Variants in PDZRN4 observed in about 807,000 individuals in gnomAD.
PDZRN4 encodes PDZ domain containing ring finger 4, also known as PDZ domain-containing RING finger protein 4.
PDZRN4 carries 70 observed loss-of-function variants against 99.0 expected under a neutral mutation model. That is an observed-to-expected ratio of 0.71 (90% CI 0.58 to 0.86). The LOEUF is 0.86. Ranked by LOEUF, PDZRN4 falls within the 40% of genes least tolerant of loss-of-function variation. PDZRN4 has a pLI of 0.00. For missense variants in PDZRN4, 1,474 were observed against 1,331.2 expected (o/e 1.11, Z -1.67); for synonymous variants, 551 against 501.6 (o/e 1.10, Z -1.32).
chr12:41,260,525 AT>A (rs1464061310), intron 3 of PDZRN4, among the ~76,000 whole-genome samples: 1 of 152,148 alleles, frequency 6.6e-6, no homozygotes, highest in Non-Finnish European at 1.5e-5. Context: ...ATAAAATTAT[AT>A]TTTTTACATA....
chr12:41,573,480 A>T lies in PDZRN4; in HGVS notation c.2701A>T (p.Ile901Phe). ...AATTAGGAGCGACGGGACACGGTAC[A>T]TCACAAAGAGACCCGTGCGAGACCG... ...VKIRSDGTRY[I>F]TKRPVRDRIL... Residue 901 changes from isoleucine (I) to phenylalanine (F), a missense_variant, in exon 10 of 10, where the codon ATC becomes TTC. Coordinates refer to ENST00000402685, the MANE Select transcript of PDZRN4 (RefSeq NM_001164595.2). The T allele has an allele frequency of 6.2e-7, 1 of 1,614,026 alleles. No individual in the cohort carries two copies. The highest frequency in any genetic ancestry group is 8.5e-7 in the Non-Finnish European group (1 of 1,179,992).
At chr12:41,554,929 C>T (rs1317625344) in intron 6 of PDZRN4, among the ~76,000 whole-genome samples, 3 of 151,590 alleles carry the variant, frequency 2.0e-5, no homozygotes, top group Non-Finnish European at 2.9e-5. Context: ...TGGTCTTGGG[C>T]CGGACGCGGT....
intron 3 of PDZRN4, among the ~76,000 whole-genome samples, chr12:41,376,698 TG>T (rs1366251993): frequency 5.9e-5 from 9 of 152,180 alleles, no homozygotes; most frequent in Admixed American, 1.3e-4. Context: ...ATTTTGTTGA[TG>T]TTTTTTTCGT....
chr12:41,509,127 A>G (rs372149194), intron 4 of PDZRN4, among the ~76,000 whole-genome samples: 1 of 152,242 alleles, frequency 6.6e-6, no homozygotes, highest in East Asian at 1.9e-4. Flanking sequence ...CATTTCCTTA[A>G]TGTAATCTGC....
chr12:41,503,942 G>T (rs1401587330), intron 3 of PDZRN4, among the ~76,000 whole-genome samples: 3 of 152,136 alleles, frequency 2.0e-5, no homozygotes, highest in Admixed American at 6.6e-5. Flanking sequence ...TATAAGAAAA[G>T]ATAACATGTT....
intron 3 of PDZRN4, among the ~76,000 whole-genome samples, chr12:41,420,805 G>A (rs964111433): frequency 6.6e-6 from 1 of 151,800 alleles, no homozygotes; most frequent in African/African-American, 2.4e-5. Context: ...TTTTAAATAC[G>A]TGTTAGTGAT....
At chr12:41,453,139 A>T (rs1046842496) in intron 3 of PDZRN4, among the ~76,000 whole-genome samples, 6 of 151,924 alleles carry the variant, frequency 3.9e-5, no homozygotes, top group African/African-American at 2.4e-5. Context: ...GAATAAAGCA[A>T]CTCCCTTTGA....
At chr12:41,259,085 C>T (rs529000870) in intron 3 of PDZRN4, among the ~76,000 whole-genome samples, 74 of 152,148 alleles carry the variant, frequency 4.9e-4, no homozygotes, top group Non-Finnish European at 8.8e-4. Flanking sequence ...ATAAAAGACA[C>T]GGGAAGCAAA....
At chr12:41,238,425 A>G (rs1013513367) in intron 3 of PDZRN4, among the ~76,000 whole-genome samples, 3 of 152,222 alleles carry the variant, frequency 2.0e-5, no homozygotes, top group African/African-American at 7.2e-5. Context: ...CTATCATTAG[A>G]GTGAACAGAA....
intron 3 of PDZRN4, among the ~76,000 whole-genome samples, chr12:41,255,732 T>A (rs1183759553): frequency 1.3e-5 from 2 of 152,190 alleles, no homozygotes; most frequent in East Asian, 3.8e-4. Context: ...GGCACCAGTA[T>A]CTGCTTCTGG....
At chr12:41,236,588 T>A (rs909561269) in intron 3 of PDZRN4, among the ~76,000 whole-genome samples, 1 of 152,092 alleles carries the variant, frequency 6.6e-6, no homozygotes, top group Non-Finnish European at 1.5e-5. Context: ...GGAGGCCTTT[T>A]CAATAGTATG....
chr12:41,238,502 A>G (rs558962285), intron 3 of PDZRN4, among the ~76,000 whole-genome samples: 2 of 152,312 alleles, frequency 1.3e-5, no homozygotes, highest in Admixed American at 1.3e-4. Context: ...TCCAGAGTCT[A>G]CAAGGAACTT....
At chr12:41,301,687 T>G (rs984228346) in intron 3 of PDZRN4, among the ~76,000 whole-genome samples, 2 of 152,120 alleles carry the variant, frequency 1.3e-5, no homozygotes, top group South Asian at 4.1e-4. Flanking sequence ...AAACAACTTT[T>G]TTTTTCCTTT....
chr12:41,305,325 A>T (rs1951561583), intron 3 of PDZRN4, among the ~76,000 whole-genome samples: 1 of 152,234 alleles, frequency 6.6e-6, no homozygotes, highest in Non-Finnish European at 1.5e-5. Context: ...AAACTTGGGA[A>T]GACTTGGGAA....
At chr12:41,291,894 A>G (rs1446487033) in intron 3 of PDZRN4, among the ~76,000 whole-genome samples, 1 of 152,080 alleles carries the variant, frequency 6.6e-6, no homozygotes, top group Admixed American at 6.6e-5. Context: ...ATGAGATGCA[A>G]CCTTACTAGG....
rs572067132 is a variant in PDZRN4 at position 41,537,709 on chromosome 12, A to G, written c.1204-14947A>G. On this transcript the variant is annotated intron_variant, in intron 5 of 9. Transcript: ENST00000402685. ...TAATGTACCAGGTGAATTCAAGGAG[A>G]TAGAACAGTTAGGAAAGAGATTACA... is the stretch of plus-strand genomic sequence containing the variant. 2.0e-5 allele frequency among the ~76,000 whole-genome samples: 3 copies of G among 152,296 alleles called. No individual in the cohort carries two copies. The East Asian group carries it at 5.8e-4, about 29-fold the overall frequency.
chr12:41,221,031 G>T (rs562500461), intron 3 of PDZRN4, among the ~76,000 whole-genome samples: 2 of 152,170 alleles, frequency 1.3e-5, no homozygotes, highest in Admixed American at 1.3e-4. Flanking sequence ...AATACAAATG[G>T]AAGTAATATT....
At chr12:41,435,598 C>T (rs1952622431) in intron 3 of PDZRN4, among the ~76,000 whole-genome samples, 1 of 152,074 alleles carries the variant, frequency 6.6e-6, no homozygotes, top group Non-Finnish European at 1.5e-5. Flanking sequence ...ACCTTCCTGG[C>T]TAACATGGTG....
chr12:41,501,099 T>C (rs1190745351), intron 3 of PDZRN4, among the ~76,000 whole-genome samples: 1 of 152,154 alleles, frequency 6.6e-6, no homozygotes, highest in Non-Finnish European at 1.5e-5. Flanking sequence ...CAAATTCGGT[T>C]ATATCAATTG....
Sources: gnomAD v4.1 joint callset for allele counts (sites outside exome capture counted in the v4.1 genomes callset) on GRCh38, gnomAD v4.1.1 for gene constraint, MANE v1.5 for transcripts, NCBI Gene and HGNC (gene_info 2026-07-23, HGNC 2026-07-21) for gene names.